The following TBC1D1 variants were observed in gnomAD, a reference collection of about 807,000 sequenced individuals.
TBC1D1 encodes the protein TBC1 domain family member 1, also known as TBC1 (tre-2/USP6, BUB2, cdc16) domain family, member 1.
A neutral mutation model predicts 125.6 loss-of-function variants in TBC1D1; 89 were observed. The ratio of observed to expected loss-of-function variants is 0.71; its 90% CI spans 0.60 to 0.85. TBC1D1 has a LOEUF of 0.85. Among genes scored for constraint, TBC1D1 ranks in the 40% least tolerant of loss-of-function variants. The pLI, the probability that TBC1D1 is intolerant of heterozygous loss-of-function variation, is 0.00. For missense variants in TBC1D1, 1,377 were observed against 1,469.2 expected (o/e 0.94, Z 1.03); for synonymous variants, 565 against 564.1 (o/e 1.00, Z -0.02).
chr4:37,998,733 G>A (rs1738379749), intron 2 of TBC1D1, among the ~76,000 whole-genome samples: 1 of 152,226 alleles, frequency 6.6e-6, no homozygotes, highest in South Asian at 2.1e-4. Context: ...CTTCTTCAGA[G>A]TGTTGGTGTG....
chr4:38,024,985 A>G (rs1345858160), intron 6 of TBC1D1, among the ~76,000 whole-genome samples: 4 of 152,232 alleles, frequency 2.6e-5, no homozygotes, highest in African/African-American at 7.2e-5. Flanking sequence ...GCAACATATC[A>G]GAAGTGCAGC....
intron 12 of TBC1D1, among the ~76,000 whole-genome samples, chr4:38,069,773 G>A (rs189254579): frequency 1.3e-5 from 2 of 152,318 alleles, no homozygotes; most frequent in East Asian, 3.9e-4. Flanking sequence ...AGGGAGAGGT[G>A]GGGGAAGTAT....
In TBC1D1 at chr4:37,902,523, T is replaced by A; in HGVS notation, c.417+11T>A. ...GATGATCAAACAAAAGTAAGTGAGA[T>A]GGAGATCCAAAAGACTAAGGTGTGG... On this transcript the variant is annotated intron_variant, in intron 2 of 19. Transcript: ENST00000261439. 1.9e-6 allele frequency: 3 copies of A among 1,577,356 alleles called. No homozygotes were observed. Among genetic ancestry groups the A allele is most frequent in the Non-Finnish European group, 2.6e-6 (3 of 1,160,538 alleles).
intron 18 of TBC1D1, among the ~76,000 whole-genome samples, chr4:38,131,132 G>T (rs1765515769): frequency 6.6e-6 from 1 of 152,180 alleles, no homozygotes; most frequent in Non-Finnish European, 1.5e-5. Context: ...AGATGATTGT[G>T]ACCCAGGGTG....
intron 2 of TBC1D1, among the ~76,000 whole-genome samples, chr4:37,919,794 G>A (rs1341448073): frequency 6.6e-6 from 1 of 152,054 alleles, no homozygotes; most frequent in African/African-American, 2.4e-5. Context: ...CACAGCTGGC[G>A]AGAATTGGTT....
At chr4:38,102,978 T>C (rs748204131) in intron 14 of TBC1D1, 21 bp from the exon 17 acceptor site, 1 of 1,604,874 alleles carries the variant, frequency 6.2e-7, no homozygotes, top group Middle Eastern at 1.7e-4. Context: ...ATTATTTCCA[T>C]GTCTTCTCTC....
At chr4:38,110,768 C>T (rs1385084721) in intron 15 of TBC1D1, 39 of 985,314 alleles carry the variant, frequency 4.0e-5, no homozygotes, top group Admixed American at 1.2e-4. Flanking sequence ...AGAGGCAGGC[C>T]TCATATCCTG....
chr4:38,095,844 G>A (rs919181656), intron 13 of TBC1D1, 85 bp from the exon 16 acceptor site: 3 of 1,395,092 alleles, frequency 2.2e-6, no homozygotes, highest in South Asian at 3.0e-5. Flanking sequence ...CGTCTCAGCG[G>A]GATAACAAGT....
At chr4:37,903,059 C>T (rs1716428029) in intron 2 of TBC1D1, among the ~76,000 whole-genome samples, 1 of 152,176 alleles carries the variant, frequency 6.6e-6, no homozygotes, top group Non-Finnish European at 1.5e-5. Flanking sequence ...GCCAGTTTCC[C>T]AAGGCATAAT....
chr4:38,122,657 TG>T (rs1764044454), intron 17 of TBC1D1, among the ~76,000 whole-genome samples: 1 of 152,226 alleles, frequency 6.6e-6, no homozygotes, highest in South Asian at 2.1e-4. Flanking sequence ...CTTTGTGTTT[TG>T]CTCATGGCTT....
rs143613785 is a variant in TBC1D1 at position 37,912,477 on chromosome 4, C to T, written c.417+9965C>T. On this transcript the variant is annotated intron_variant, in intron 2 of 19. Transcript: ENST00000261439. Reference sequence around the variant, plus strand: ...ATGAGATAGGAAGGAAGGGCTAAGGCCAGATTTTACAGGGCTTTGTATGCC... The same window carrying T: ...ATGAGATAGGAAGGAAGGGCTAAGGTCAGATTTTACAGGGCTTTGTATGCC... Among the ~76,000 whole-genome samples the T allele has an allele frequency of 1.3e-3, 199 of 152,296 alleles. 1 individual carries two copies. Among genetic ancestry groups the T allele is most frequent in the Admixed American group, 4.0e-3 (61 of 15,300 alleles).
rs1350723587 is a variant in TBC1D1, at chr4:38,126,640, T to G, written c.3132+1509T>G. Among the ~76,000 whole-genome samples the G allele has an allele frequency of 2.0e-5, 3 of 152,236 alleles. No homozygotes were observed. The East Asian group carries it at 5.8e-4, about 29-fold the overall frequency. On this transcript the variant is annotated intron_variant, in intron 18 of 19. Transcript: ENST00000261439. ...TGAGAGCCTCTCCATCTCTTTTCCTTCCCTGGAACACTCTTCTTGATGTGG... is the reference window on the plus strand; with the variant it reads ...TGAGAGCCTCTCCATCTCTTTTCCTGCCCTGGAACACTCTTCTTGATGTGG...
At chr4:37,968,618 C>T (rs1731482895) in intron 2 of TBC1D1, among the ~76,000 whole-genome samples, 1 of 152,252 alleles carries the variant, frequency 6.6e-6, no homozygotes. Context: ...TTCTACTTCT[C>T]CTCTACATTT....
At chr4:38,042,345 C>A (rs1350827516) in intron 8 of TBC1D1, among the ~76,000 whole-genome samples, 1 of 151,980 alleles carries the variant, frequency 6.6e-6, no homozygotes, top group East Asian at 1.9e-4. Context: ...ATCTCTGCCT[C>A]CTGGGTTCGA....
intron 1 of TBC1D1, among the ~76,000 whole-genome samples, chr4:37,901,652 AGTG>A (rs1409965512): frequency 1.6e-3 from 80 of 49,344 alleles, no homozygotes; most frequent in South Asian, 3.8e-3. Context: ...TAATATCTTA[AGTG>A]ATATTACTTG....
At chr4:38,123,046 A>G (rs1458859951) in intron 17 of TBC1D1, among the ~76,000 whole-genome samples, 1 of 152,208 alleles carries the variant, frequency 6.6e-6, no homozygotes, top group East Asian at 1.9e-4. Flanking sequence ...TAAAGAGACC[A>G]CTGATGTGGA....
At chr4:37,912,760 TGG>T (rs1313901118) in intron 2 of TBC1D1, among the ~76,000 whole-genome samples, 1 of 152,166 alleles carries the variant, frequency 6.6e-6, no homozygotes, top group African/African-American at 2.4e-5. Context: ...AGCTCCATCT[TGG>T]GAGGAGAGAC....
intron 1 of TBC1D1, among the ~76,000 whole-genome samples, chr4:37,900,764 A>C (rs763719492): frequency 3.9e-5 from 6 of 152,212 alleles, no homozygotes; most frequent in Non-Finnish European, 8.8e-5. Context: ...AGGATACATC[A>C]AACGTGGTTG....
chr4:38,047,883 A>G (rs142762421), intron 10 of TBC1D1, among the ~76,000 whole-genome samples: 168 of 152,322 alleles, frequency 1.1e-3, no homozygotes, highest in Non-Finnish European at 1.9e-3. Flanking sequence ...ACATACCATG[A>G]AGACATTCAT....
Sources: allele counts gnomAD v4.1 joint callset (sites outside exome capture counted in the v4.1 genomes callset), GRCh38; gene constraint gnomAD v4.1.1; transcripts MANE v1.5; gene names NCBI Gene and HGNC (gene_info 2026-07-23, HGNC 2026-07-21).